The following MYH14 variants were observed in gnomAD, a reference collection of about 807,000 sequenced individuals.
MYH14 encodes myosin-14.
A neutral mutation model predicts 255.5 loss-of-function variants in MYH14; 123 were observed. That is an observed-to-expected ratio of 0.48 (90% confidence interval 0.42 to 0.56). MYH14 has a LOEUF of 0.56. MYH14 is among the 20% of genes least tolerant of loss of function. MYH14 has a pLI of 0.00. For synonymous variants in MYH14, 1,095 were observed against 1,161.2 expected (o/e 0.94, Z 1.16); for missense variants, 2,423 against 2,802.3 (o/e 0.86, Z 3.06).
chr19:50,303,957 T>C (rs56972844), intron 40 of MYH14, among the ~76,000 whole-genome samples: 2,150 of 152,340 alleles, frequency 0.014, 55 homozygotes, highest in African/African-American at 0.049. Context: ...CCTTTCACTC[T>C]TCCAATACAA....
Position 50,310,190 on chromosome 19 carries a change from T to TCTCTCC in MYH14, c.*403_*404insTCCCTC, listed in dbSNP as rs2036813166. ...CTCTGCTTCTCTCTCTCTCTCTCTC[T>TCTCTCC]CTCCCTCCCTCTCCTTCCCTACCCT... On this transcript the variant is annotated 3_prime_UTR_variant, in exon 43 of 43. Coordinates refer to ENST00000642316, the MANE Select transcript of MYH14 (RefSeq NM_001145809.2). 3.7e-6 allele frequency: 1 copy of TCTCTCC among 267,626 alleles called. No homozygotes were observed. The highest frequency in any genetic ancestry group is 2.3e-5 in the African/African-American group (1 of 43,504). 16.6% of individuals were successfully genotyped at this position (267,626 alleles called of 1,614,324 possible). A position where few individuals can be genotyped will look rare whatever the true frequency, so the allele number is the denominator to read the frequency against.
chr19:50,284,520 G>A (rs920840497), intron 33 of MYH14, among the ~76,000 whole-genome samples: 8 of 151,760 alleles, frequency 5.3e-5, no homozygotes, highest in Admixed American at 2.0e-4. Context: ...GGCACATGCC[G>A]CCACACCCGG....
chr19:50,225,383 C>T (rs889101131), intron 6 of MYH14, among the ~76,000 whole-genome samples: 1 of 152,178 alleles, frequency 6.6e-6, no homozygotes, highest in African/African-American at 2.4e-5. Flanking sequence ...CACTTAACAA[C>T]ATGTCTTGGA....
Position 50,307,073 on chromosome 19 carries a change from G to A in MYH14, c.5703G>A (p.Leu1901=). The A allele has an allele frequency of 6.4e-7, 1 of 1,551,138 alleles. No homozygotes were observed. Among genetic ancestry groups the A allele is most frequent in the East Asian group, 2.4e-5 (1 of 40,916 alleles). The change falls in exon 41 of 43, where the codon CTG becomes CTA. Residue 1901 remains leucine (L), a synonymous_variant. Transcript: ENST00000642316. ...GAGAGCGCATCCTCTCTGGAAAGCT[G>A]GTGCGCAGAGCTGAGAAGCGGCTTA... ...ETRERILSGK[L]VRRAEKRLKE... is the part of the protein sequence containing the mutation.
At chr19:50,217,829 T>C in intron 3 of MYH14, 58 bp downstream of exon 3, 1 of 1,583,326 alleles carries the variant, frequency 6.3e-7, no homozygotes, top group South Asian at 1.1e-5. Flanking sequence ...GGGCCTGACC[T>C]GGGGCTGCCG....
intron 27 of MYH14, among the ~76,000 whole-genome samples, chr19:50,273,601 G>GGTGTGTGTGTGTGTGTGTGTGTGTGT (rs56095197): frequency 7.3e-6 from 1 of 137,476 alleles, no homozygotes; most frequent in Non-Finnish European, 1.6e-5. Flanking sequence ...GAACATGGGG[G>GGTGTGTGTGTGTGTGTGTGTGTGTGT]GTGTGTGTGT....
chr19:50,266,762 C>G lies in MYH14; in HGVS notation c.2695-115C>G. ...CCAGGGACTGTTGCCAAGGCGGGGA[C>G]ACACAGCTAATAGGTGGAGGAGAAG... On this transcript the variant is annotated intron_variant, in intron 22 of 42. Coordinates refer to ENST00000642316, the MANE Select transcript of MYH14 (RefSeq NM_001145809.2). The surrounding 1 kb of genome is among the most constrained non-coding windows in gnomAD (Gnocchi z 4.1). 12 of 1,389,912 alleles carry G rather than the reference C, an allele frequency of 8.6e-6. No homozygotes were observed. The highest frequency in any genetic ancestry group is 1.2e-5 in the Non-Finnish European group (12 of 1,012,612). The allele number at this position is 1,389,912 out of a possible 1,614,324, so 86.1% of individuals were successfully genotyped here.
chr19:50,228,127 T>C (rs1030240782), intron 8 of MYH14, among the ~76,000 whole-genome samples: 11 of 151,646 alleles, frequency 7.3e-5, no homozygotes, highest in Non-Finnish European at 1.2e-4. Context: ...CTAATAAAAA[T>C]ACAAAAAAAT....
rs2035073061 is a variant in MYH14 at position 50,266,110 on chromosome 19, T to C, written c.2695-767T>C. Among the ~76,000 whole-genome samples the C allele has an allele frequency of 6.6e-6, 1 of 151,668 alleles. No individual in the cohort carries two copies. Among genetic ancestry groups the C allele is most frequent in the Non-Finnish European group, 1.5e-5 (1 of 67,872 alleles). ...TTGTGTAGAACGGAGTAGAATATGA[T>C]TGAACAGAAATTATCAGAGCAGATC... is the stretch of plus-strand genomic sequence containing the variant. On this transcript the variant is annotated intron_variant, in intron 22 of 42. Transcript: ENST00000642316. This position sits in a 1 kb window ranked among gnomAD's most constrained non-coding sequence, Gnocchi z 4.1.
chr19:50,210,601 A>T lies in MYH14; in HGVS notation c.236A>T (p.Glu79Val), dbSNP rs773341104. 1 of 1,572,522 alleles carries T rather than the reference A, an allele frequency of 6.4e-7. No homozygotes were observed. The highest frequency in any genetic ancestry group is 1.9e-5 in the Admixed American group (1 of 53,290). The change falls in exon 2 of 43, where the codon GAG (glutamate) becomes GTG (valine). Residue 79 changes from glutamate (E) to valine (V), a missense_variant. This residue lies in a region of MYH14 where 238 missense variants were observed against 245.8 expected (regional missense o/e 0.97). Transcript: ENST00000642316. ...CGGGACGAAGGCGAGGAGGAGGCGG[A>T]GGTGGAGCTGGCGGAGAGCGGGAGG... ...ALRDEGEEEAEVELAESGRRL... is the reference protein window; with the variant it reads ...ALRDEGEEEAVVELAESGRRL...
intron 39 of MYH14, among the ~76,000 whole-genome samples, chr19:50,298,788 A>C (rs901677495): frequency 2.6e-5 from 4 of 151,958 alleles, no homozygotes; most frequent in Admixed American, 2.6e-4. Context: ...AAATTCACAA[A>C]TAAGACAGAA....
chr19:50,244,200 G>C (rs781592233), intron 10 of MYH14, 42 bp from the exon 11 acceptor site: 1 of 1,567,516 alleles, frequency 6.4e-7, no homozygotes, highest in African/African-American at 1.4e-5. Flanking sequence ...ACCACACATC[G>C]GGGTCCAGAG....
chr19:50,229,076 C>T (rs2033252517), intron 8 of MYH14, among the ~76,000 whole-genome samples: 1 of 152,170 alleles, frequency 6.6e-6, no homozygotes, highest in African/African-American at 2.4e-5. Flanking sequence ...ATCACCCCCG[C>T]TTCACAGAGG....
intron 2 of MYH14, among the ~76,000 whole-genome samples, chr19:50,213,428 G>A (rs2032305808): frequency 6.6e-6 from 1 of 152,162 alleles, no homozygotes; most frequent in South Asian, 2.1e-4. Flanking sequence ...TGTGACTGCA[G>A]ACCCCAGGTC....
chr19:50,237,227 A>G (rs2033696806), intron 10 of MYH14, among the ~76,000 whole-genome samples: 1 of 151,822 alleles, frequency 6.6e-6, no homozygotes. Context: ...ATGCCCCACC[A>G]CCACCAGCTG....
chr19:50,305,343 G>A (rs767006712), intron 40 of MYH14, among the ~76,000 whole-genome samples: 8 of 152,278 alleles, frequency 5.3e-5, no homozygotes, highest in Admixed American at 3.9e-4. Flanking sequence ...GAGGCTATGG[G>A]TGGTGGCAGG....
intron 10 of MYH14, among the ~76,000 whole-genome samples, chr19:50,233,839 G>GT (rs58204546): frequency 0.66 from 82,254 of 124,220 alleles, 26,062 homozygotes; most frequent in East Asian, 0.74. Flanking sequence ...CAACCTTTTT[G>GT]TTTTTTTGAG....
intron 40 of MYH14, among the ~76,000 whole-genome samples, chr19:50,306,155 G>A (rs963176774): frequency 2.0e-5 from 3 of 152,278 alleles, no homozygotes; most frequent in South Asian, 4.1e-4. Flanking sequence ...GCACATGCCT[G>A]TAATCCCAGC....
At chr19:50,216,811 T>TC (rs1444020300) in intron 2 of MYH14, among the ~76,000 whole-genome samples, 1 of 82,192 alleles carries the variant, frequency 1.2e-5, no homozygotes, top group Non-Finnish European at 3.1e-5. Context: ...CTTTTTTTTT[T>TC]TTTTTTTTTT....
Sources: allele counts gnomAD v4.1 joint callset (sites outside exome capture counted in the v4.1 genomes callset), GRCh38; gene constraint gnomAD v4.1.1; regional missense constraint gnomAD v4.1.1; non-coding constraint Gnocchi (gnomAD v3.1); transcripts MANE v1.5; gene names NCBI Gene and HGNC (gene_info 2026-07-23, HGNC 2026-07-21).